Variants in TMEM273 observed in about 807,000 individuals in gnomAD.
TMEM273 encodes the protein chromosome 10 open reading frame 128.
A neutral mutation model predicts 17.9 loss-of-function variants in TMEM273; 19 were observed. That is an observed-to-expected ratio of 1.06 (90% CI 0.74 to 1.55). The LOEUF is 1.55. Among genes scored for constraint, TMEM273 ranks in the 40% most tolerant of loss-of-function variants. TMEM273 has a pLI of 0.00. For synonymous variants in TMEM273, 66 were observed against 62.0 expected, an observed-to-expected ratio of 1.07 and a Z score of -0.31; for missense variants, 194 against 155.6, an observed-to-expected ratio of 1.25 and a Z score of -1.31.
At chr10:49,165,621 A>C in intron 4 of TMEM273, 145 bp downstream of exon 4, 1 of 1,291,192 alleles carries the variant, frequency 7.7e-7, no homozygotes, top group Non-Finnish European at 1.1e-6. Context: ...AGAGAGTGTA[A>C]GGAGGGGACC....
At chr10:49,156,174 G>C (rs1299920460) in intron 6 of TMEM273, 2 of 1,506,570 alleles carry the variant, frequency 1.3e-6, no homozygotes, top group Non-Finnish European at 1.8e-6. Context: ...GACAAAAAGA[G>C]AAGTCATTCC....
chr10:49,185,224 C>T (rs1847590027), intron 1 of TMEM273, among the ~76,000 whole-genome samples: 1 of 152,120 alleles, frequency 6.6e-6, no homozygotes, highest in South Asian at 2.1e-4. Context: ...AATGTCTGTT[C>T]CATTAATCTC....
intron 2 of TMEM273, 117 bp from the exon 3 acceptor site, chr10:49,167,126 GGCCAGCCTC>G: frequency 7.1e-7 from 1 of 1,401,146 alleles, no homozygotes; most frequent in Non-Finnish European, 9.7e-7. Flanking sequence ...CACTGGCTGA[GGCCAGCCTC>G]ACCTTCTACT....
At chr10:49,157,217 G>A (rs1845565762) in intron 6 of TMEM273, among the ~76,000 whole-genome samples, 1 of 152,256 alleles carries the variant, frequency 6.6e-6, no homozygotes, top group African/African-American at 2.4e-5. Flanking sequence ...GCACTGCTGA[G>A]CTACCTTATG....
chr10:49,167,039 G>A (rs771391060), intron 2 of TMEM273, 30 bp from the exon 3 acceptor site: 10 of 1,610,386 alleles, frequency 6.2e-6, no homozygotes, highest in Non-Finnish European at 7.6e-6. Flanking sequence ...TGAACACCCG[G>A]TTTCAGTCAC....
chr10:49,154,748 T>C lies in TMEM273; in HGVS notation c.*1144A>G, dbSNP rs1845420130. 6.6e-6 allele frequency: 1 copy of C among 152,164 alleles called. No homozygotes were observed. The allele number at this position is 152,164 out of a possible 1,614,324, so 9.4% of individuals were successfully genotyped here. On this transcript the variant is annotated 3_prime_UTR_variant, in exon 7 of 7. Coordinates refer to ENST00000374153, the MANE Select transcript of TMEM273 (RefSeq NM_001288740.3). ...ATCAATTAGCAGATCCCATACAAGA[T>C]GGTTTATTTTATCCTACACACAGAA...
chr10:49,188,326 C>T lies in TMEM273; in HGVS notation c.11G>A (p.Gly4Glu). Residue 4 changes from glycine to glutamate, a missense_variant, in exon 1 of 7, where the codon GGG becomes GAG. By Grantham distance (98) the Gly-to-Glu change is moderately conservative (BLOSUM62 -2). Coordinates refer to ENST00000374153, the MANE Select transcript of TMEM273 (RefSeq NM_001288740.3). The stretch of plus-strand genomic sequence containing the variant: ...GAAGAGGATCCTCAGCATGCTGACC[C>T]CCAAGTTCATGCTGGCGCTCTGCTC... MNL[G>E]VSMLRILFLL... is the part of the protein sequence containing the mutation. The T allele has an allele frequency of 3.1e-6, 5 of 1,614,176 alleles. No homozygotes were observed. The highest frequency in any genetic ancestry group is 1.1e-5 in the South Asian group (1 of 91,084).
rs1341650875 is a variant in TMEM273 at position 49,163,517 on chromosome 10, C to G, written c.348+1688G>C. ...GCCCACTCAATCTAAGTTGACCACA[C>G]ATCCCTATTTCCCTAGGACAGTCCA... On this transcript the variant is annotated intron_variant, in intron 5 of 6. Transcript: ENST00000374153. Among the ~76,000 whole-genome samples, 3 of 152,210 alleles carry G rather than the reference C, an allele frequency of 2.0e-5. No homozygotes were observed. The East Asian group carries it at 5.8e-4, about 29-fold the overall frequency.
chr10:49,179,826 T>G (rs1189820776), intron 1 of TMEM273, among the ~76,000 whole-genome samples: 1 of 152,060 alleles, frequency 6.6e-6, no homozygotes, highest in Non-Finnish European at 1.5e-5. Flanking sequence ...AGCCAAAGAC[T>G]GGGAAAGGTG....
intron 1 of TMEM273, among the ~76,000 whole-genome samples, chr10:49,183,927 A>AT (rs1450334494): frequency 2.5e-5 from 3 of 120,696 alleles, no homozygotes; most frequent in Non-Finnish European, 5.2e-5. Flanking sequence ...ATCTATCAAG[A>AT]TTAGTCAGCT....
At chr10:49,172,879 C>T (rs1024760684) in intron 1 of TMEM273, among the ~76,000 whole-genome samples, 1 of 152,236 alleles carries the variant, frequency 6.6e-6, no homozygotes, top group Non-Finnish European at 1.5e-5. Flanking sequence ...AGGAGGCACT[C>T]CACGTGACTC....
At chr10:49,165,058 G>A (rs1247519752) in intron 5 of TMEM273, 147 bp downstream of exon 5, 23 of 1,160,364 alleles carry the variant, frequency 2.0e-5, no homozygotes, top group African/African-American at 3.1e-5. Flanking sequence ...GACCCTACCC[G>A]CCCGGAGCTT....
Position 49,167,894 on chromosome 10 carries a change from T to C in TMEM273, c.97+15A>G, listed in dbSNP as rs1351666534. ...CCCTGACCCTGTGCACAGAATAACA[T>C]GGGCAGCCACGTACCAATTTCAGCC... is the stretch of plus-strand genomic sequence containing the variant. On this transcript the variant is annotated intron_variant, in intron 2 of 6. Coordinates refer to ENST00000374153, the MANE Select transcript of TMEM273 (RefSeq NM_001288740.3). 4 of 1,613,712 alleles carry C rather than the reference T, an allele frequency of 2.5e-6. No homozygotes were observed. The highest frequency in any genetic ancestry group is 2.2e-5 in the East Asian group (1 of 44,876).
intron 1 of TMEM273, among the ~76,000 whole-genome samples, chr10:49,184,668 T>C (rs1847555067): frequency 6.6e-6 from 1 of 152,170 alleles, no homozygotes; most frequent in African/African-American, 2.4e-5. Context: ...AAGGAACAGA[T>C]ATGGCCACAA....
At chr10:49,167,865 C>G in intron 2 of TMEM273, 44 bp downstream of exon 2, 1 of 1,610,802 alleles carries the variant, frequency 6.2e-7, no homozygotes, top group Non-Finnish European at 8.5e-7. Flanking sequence ...AGCTTCCTTC[C>G]TGCCCCTGAC....
chr10:49,171,379 C>G (rs544555539), intron 1 of TMEM273, among the ~76,000 whole-genome samples: 1 of 152,360 alleles, frequency 6.6e-6, no homozygotes, highest in Admixed American at 6.5e-5. Context: ...AGGGCTACCT[C>G]CAGAGGACTT....
At chr10:49,183,416 G>A (rs1194120992) in intron 1 of TMEM273, among the ~76,000 whole-genome samples, 2 of 151,620 alleles carry the variant, frequency 1.3e-5, no homozygotes, top group Non-Finnish European at 2.9e-5. Flanking sequence ...ATATTATCAA[G>A]CAAATAAGAT....
intron 1 of TMEM273, chr10:49,178,198 C>T (rs1279104791): frequency 6.6e-6 from 3 of 457,280 alleles, no homozygotes; most frequent in Admixed American, 2.3e-5. Context: ...CTCTCATTCT[C>T]CCCTCTTGCA....
intron 6 of TMEM273, chr10:49,156,179 C>A: frequency 6.7e-7 from 1 of 1,498,578 alleles, no homozygotes. Flanking sequence ...AAAGAGAAGT[C>A]ATTCCTCGAG....
Sources: allele counts gnomAD v4.1 joint callset (sites outside exome capture counted in the v4.1 genomes callset), GRCh38; gene constraint gnomAD v4.1.1; transcripts MANE v1.5; gene names NCBI Gene and HGNC (gene_info 2026-07-23, HGNC 2026-07-21).